Variants in EPB41 observed in about 807,000 individuals in gnomAD.
EPB41 encodes erythrocyte membrane protein band 4.1.
Under a neutral mutation model 108.0 loss-of-function variants are expected in EPB41, and 65 were observed. The observed-to-expected ratio is 0.60, with a 90% CI of 0.49 to 0.74. The LOEUF is 0.74. Ranked by LOEUF, EPB41 falls within the 30% of genes least tolerant of loss-of-function variation. The probability of loss-of-function intolerance (pLI) is 0.00; values close to 1 mark genes in which losing one functional copy is unlikely to be tolerated. For missense variants in EPB41, 875 were observed against 1,037.0 expected, an observed-to-expected ratio of 0.84 and a Z score of 2.15; for synonymous variants, 336 against 358.9, an observed-to-expected ratio of 0.94 and a Z score of 0.72.
intron 17 of EPB41, among the ~76,000 whole-genome samples, chr1:29,108,458 AT>A (rs1184716427): frequency 6.6e-6 from 1 of 151,056 alleles, no homozygotes; most frequent in Non-Finnish European, 1.5e-5. Context: ...CCTGCCTCCT[AT>A]TTCTGATCCA....
At chr1:28,979,163 T>G (rs553417790) in intron 1 of EPB41, among the ~76,000 whole-genome samples, 3 of 151,732 alleles carry the variant, frequency 2.0e-5, no homozygotes, top group Admixed American at 1.3e-4. Flanking sequence ...CTGTGATAAG[T>G]TAAGTGTATG....
chr1:29,071,590 T>C (rs1365725369), intron 16 of EPB41: 1 of 152,244 alleles, frequency 6.6e-6, no homozygotes, highest in Non-Finnish European at 1.5e-5. Context: ...TGAAATCAAT[T>C]GTTTTTAATC....
upstream of EPB41, among the ~76,000 whole-genome samples, chr1:28,909,948 A>T (rs1269299767): frequency 6.6e-6 from 1 of 151,244 alleles, no homozygotes; most frequent in East Asian, 2.0e-4. Flanking sequence ...GGTGGACATG[A>T]TGGCATGCCT....
chr1:28,933,870 A>G (rs1365280380), intron 1 of EPB41, among the ~76,000 whole-genome samples: 1 of 152,054 alleles, frequency 6.6e-6, no homozygotes, highest in Non-Finnish European at 1.5e-5. Flanking sequence ...GTCCCTATAT[A>G]CCCCACACTG....
At chr1:29,087,631 G>T (rs1659615010) in intron 16 of EPB41, among the ~76,000 whole-genome samples, 1 of 152,194 alleles carries the variant, frequency 6.6e-6, no homozygotes, top group Admixed American at 6.5e-5. Flanking sequence ...AAAGTGCTGG[G>T]ATTGTAGGCG....
intron 8 of EPB41, among the ~76,000 whole-genome samples, chr1:29,032,854 T>C (rs1480793276): frequency 6.6e-6 from 1 of 152,144 alleles, no homozygotes; most frequent in African/African-American, 2.4e-5. Context: ...AAAACAAGAA[T>C]TAATAATTGT....
chr1:28,971,628 T>A (rs2095498560), intron 1 of EPB41, among the ~76,000 whole-genome samples: 1 of 152,200 alleles, frequency 6.6e-6, no homozygotes, highest in African/African-American at 2.4e-5. Flanking sequence ...AAATGTGAGT[T>A]AACTCTTCAA....
intron 17 of EPB41, among the ~76,000 whole-genome samples, chr1:29,104,497 C>T (rs1294151751): frequency 1.3e-5 from 2 of 152,168 alleles, no homozygotes; most frequent in African/African-American, 4.8e-5. Context: ...TTCACTGCAG[C>T]CTCGACCTTT....
At chr1:29,035,747 C>A in intron 9 of EPB41, 79 bp from the exon 10 acceptor site, 2 of 1,062,374 alleles carry the variant, frequency 1.9e-6, no homozygotes, top group Non-Finnish European at 2.9e-6. Flanking sequence ...CACCATATTT[C>A]TCTGGTACTG....
At chr1:28,916,392 T>C (rs1468428021) in intron 1 of EPB41, among the ~76,000 whole-genome samples, 2 of 152,128 alleles carry the variant, frequency 1.3e-5, no homozygotes, top group African/African-American at 4.8e-5. Flanking sequence ...TCCCAGCACT[T>C]TGGGAGGCCA....
intron 1 of EPB41, among the ~76,000 whole-genome samples, chr1:28,952,785 A>G (rs2094786637): frequency 6.6e-6 from 1 of 152,164 alleles, no homozygotes; most frequent in South Asian, 2.1e-4. Context: ...ATTTTTGCCC[A>G]TTGCTTCTTT....
chr1:28,934,666 TTGTGTGTGTG>T (rs1204147204), intron 1 of EPB41, among the ~76,000 whole-genome samples: 44 of 136,400 alleles, frequency 3.2e-4, no homozygotes, highest in African/African-American at 1.1e-3. Flanking sequence ...TCTTTTGACA[TTGTGTGTGTG>T]TGTGTGTGTG....
rs1433937696 is a variant in EPB41, at chr1:29,060,434, A to G, written c.1957A>G (p.Arg653Gly). 3 of 1,612,624 alleles carry G rather than the reference A, an allele frequency of 1.9e-6. No homozygotes were observed. In the South Asian group the frequency reaches 3.3e-5, roughly 18 times the overall value. The change falls in exon 15 of 21, where the codon AGA becomes GGA. Residue 653 changes from arginine to glycine, a missense_variant. Arg to Gly is a moderately radical substitution (Grantham distance 125). Transcript: ENST00000343067. The part of the protein sequence containing the change: ...LIRMRKKKRE[R>G]LDGENIYIRH... ...TTCATTTTCACAGAAAAAGAGAGAA[A>G]GACTAGATGGTGAAAACATTTATAT... is the stretch of plus-strand genomic sequence containing the variant.
intron 1 of EPB41, among the ~76,000 whole-genome samples, chr1:28,905,226 G>A (rs1299201184): frequency 6.6e-6 from 1 of 151,232 alleles, no homozygotes; most frequent in African/African-American, 2.4e-5. Context: ...GCTGGGTGCA[G>A]TGGCTCATGT....
chr1:29,026,160 A>G (rs559583316), intron 7 of EPB41, among the ~76,000 whole-genome samples: 1 of 152,294 alleles, frequency 6.6e-6, no homozygotes, highest in South Asian at 2.1e-4. Context: ...GGACATCCAC[A>G]TACAGTAGGG....
At chr1:29,006,957 T>C (rs961589792) in intron 4 of EPB41, among the ~76,000 whole-genome samples, 3 of 152,278 alleles carry the variant, frequency 2.0e-5, no homozygotes, top group South Asian at 2.1e-4. Context: ...TCAATCACTT[T>C]AGCCTGTTTT....
chr1:29,111,486 T>C (rs186698400), intron 18 of EPB41, among the ~76,000 whole-genome samples: 13 of 151,680 alleles, frequency 8.6e-5, no homozygotes, highest in Admixed American at 8.5e-4. Flanking sequence ...ACCCCGTCTC[T>C]ACTAAAAATA....
chr1:28,913,420 G>A (rs944222276), upstream of EPB41, among the ~76,000 whole-genome samples: 1 of 152,182 alleles, frequency 6.6e-6, no homozygotes, highest in Non-Finnish European at 1.5e-5. Context: ...CCTGGTGACA[G>A]AGCGAGACTC....
intron 1 of EPB41, among the ~76,000 whole-genome samples, chr1:28,943,854 C>T (rs1557758877): frequency 6.6e-6 from 1 of 152,122 alleles, no homozygotes; most frequent in Admixed American, 6.5e-5. Context: ...AGTGATCCCA[C>T]TGCTGGATAT....
Sources: gnomAD v4.1 joint callset for allele counts (sites outside exome capture counted in the v4.1 genomes callset) on GRCh38, gnomAD v4.1.1 for gene constraint, MANE v1.5 for transcripts, NCBI Gene and HGNC (gene_info 2026-07-23, HGNC 2026-07-21) for gene names.